Variants in CADPS2 observed in about 807,000 individuals in gnomAD.
CADPS2 encodes the protein calcium-dependent secretion activator 2.
Under a neutral mutation model 172.5 loss-of-function variants are expected in CADPS2, and 93 were observed. The ratio of observed to expected loss-of-function variants is 0.54; its 90% CI spans 0.46 to 0.64. The LOEUF (loss-of-function observed/expected upper bound fraction) is 0.64. CADPS2 is among the 30% of genes least tolerant of loss of function. The probability of loss-of-function intolerance (pLI) is 0.00; values close to 1 mark genes in which losing one functional copy is unlikely to be tolerated. For synonymous variants in CADPS2, 546 were observed against 555.2 expected, an observed-to-expected ratio of 0.98 and a Z score of 0.23; for missense variants, 1,420 against 1,565.9, an observed-to-expected ratio of 0.91 and a Z score of 1.57.
intron 27 of CADPS2, among the ~76,000 whole-genome samples, chr7:122,346,662 C>CGAAGAT (rs2037707187): frequency 6.6e-6 from 1 of 151,996 alleles, no homozygotes; most frequent in African/African-American, 2.4e-5. Flanking sequence ...TATGTACAGC[C>CGAAGAT]GAAGATGTGG....
rs530961051 is a variant in CADPS2 at position 122,488,359 on chromosome 7, CA to C, written c.1852+1721del. On this transcript the variant is annotated intron_variant, in intron 11 of 29. Transcript: ENST00000449022. ...TTTGGCACTTGAAGTAGGAAAGAAG[CA>C]GTGGATAAGAGCTGTGCTGCAAGAG... 1.1e-3 allele frequency among the ~76,000 whole-genome samples: 165 copies of C among 152,316 alleles called. 7 individuals are homozygous for C. In the South Asian group the frequency reaches 0.033, roughly 30 times the overall value.
intron 6 of CADPS2, among the ~76,000 whole-genome samples, chr7:122,590,274 T>C (rs146761580): frequency 6.6e-6 from 1 of 151,976 alleles, no homozygotes; most frequent in African/African-American, 2.4e-5. Flanking sequence ...AAAAGACAGA[T>C]ATACAAACCA....
chr7:122,617,808 C>T (rs1020344722), intron 5 of CADPS2, among the ~76,000 whole-genome samples: 3 of 152,112 alleles, frequency 2.0e-5, no homozygotes, highest in Admixed American at 2.0e-4. Context: ...CTTTGGGAGG[C>T]CAAGGCGGGC....
intron 2 of CADPS2, among the ~76,000 whole-genome samples, chr7:122,677,730 G>C (rs1588346859): frequency 6.6e-6 from 1 of 152,132 alleles, no homozygotes; most frequent in Admixed American, 6.5e-5. Context: ...GTGTGGAAGA[G>C]TCAAGATTTA....
chr7:122,594,049 TATC>T (rs1289611157), intron 6 of CADPS2, among the ~76,000 whole-genome samples: 1 of 152,130 alleles, frequency 6.6e-6, no homozygotes, highest in Non-Finnish European at 1.5e-5. Flanking sequence ...AACTATGTTT[TATC>T]ATTCTAGGCT....
Position 122,506,494 on chromosome 7 carries a change from G to A in CADPS2, c.1542+6755C>T, listed in dbSNP as rs1425927922. Among the ~76,000 whole-genome samples the A allele has an allele frequency of 2.6e-5, 4 of 152,130 alleles. No individual in the cohort carries two copies. In the East Asian group the frequency reaches 5.8e-4, roughly 22 times the overall value. ...TCTGGTATACGAAACCTCCCATTTT[G>A]TCCTCAATTGCCAACCTGTGCAATA... is the stretch of plus-strand genomic sequence containing the variant. On this transcript the variant is annotated intron_variant, in intron 9 of 29. Transcript: ENST00000449022.
At chr7:122,624,083 A>G (rs2075852996) in intron 4 of CADPS2, among the ~76,000 whole-genome samples, 1 of 152,212 alleles carries the variant, frequency 6.6e-6, no homozygotes, top group Admixed American at 6.5e-5. Flanking sequence ...AAAAAGCTCA[A>G]AATTCAGTTT....
intron 2 of CADPS2, among the ~76,000 whole-genome samples, chr7:122,671,936 T>C (rs984453184): frequency 1.3e-5 from 2 of 152,166 alleles, no homozygotes; most frequent in East Asian, 1.9e-4. Flanking sequence ...ATTCCTATTA[T>C]ATGCTCATAT....
chr7:122,475,796 T>C (rs1048188479), intron 12 of CADPS2, among the ~76,000 whole-genome samples: 2 of 152,178 alleles, frequency 1.3e-5, no homozygotes, highest in Non-Finnish European at 2.9e-5. Flanking sequence ...AAGGTGAATA[T>C]AGCAAGTAAT....
At chr7:122,493,873 G>A (rs901727667) in intron 9 of CADPS2, among the ~76,000 whole-genome samples, 3 of 152,028 alleles carry the variant, frequency 2.0e-5, no homozygotes, top group African/African-American at 7.2e-5. Context: ...TAATCAAATA[G>A]TTTGCTGTTT....
At chr7:122,424,431 T>C in intron 17 of CADPS2, 1 of 560,666 alleles carries the variant, frequency 1.8e-6, no homozygotes, top group Non-Finnish European at 2.3e-6. Context: ...CTGGGCTGAA[T>C]CCAAACTGAG....
chr7:122,609,172 G>A (rs2073982312), intron 6 of CADPS2, among the ~76,000 whole-genome samples: 1 of 151,856 alleles, frequency 6.6e-6, no homozygotes, highest in African/African-American at 2.4e-5. Flanking sequence ...GTTTGTTTAG[G>A]CACTCAAAGG....
chr7:122,682,384 A>G (rs763877), intron 2 of CADPS2, among the ~76,000 whole-genome samples: 151,200 of 152,304 alleles, frequency 0.99, 75,059 homozygotes, highest in Non-Finnish European at 1. Flanking sequence ...CATCTCTTCC[A>G]CCTTCATTCA....
At chr7:122,365,634 TCTC>T (rs1484911268) in intron 25 of CADPS2, among the ~76,000 whole-genome samples, 1 of 152,188 alleles carries the variant, frequency 6.6e-6, no homozygotes, top group Non-Finnish European at 1.5e-5. Context: ...TGCTGTCTGT[TCTC>T]CTGAGGGTGT....
At chr7:122,792,554 G>A (rs974817863) in intron 1 of CADPS2, among the ~76,000 whole-genome samples, 5 of 152,098 alleles carry the variant, frequency 3.3e-5, no homozygotes, top group Admixed American at 1.3e-4. Context: ...TGTTGTTGCA[G>A]CTTGAACAGA....
intron 9 of CADPS2, among the ~76,000 whole-genome samples, chr7:122,500,226 C>A (rs536686726): frequency 6.6e-6 from 1 of 152,146 alleles, no homozygotes; most frequent in African/African-American, 2.4e-5. Flanking sequence ...ACCATTCTAA[C>A]CTTGTTTGTC....
chr7:122,865,215 C>A (rs2141366484), intron 1 of CADPS2, among the ~76,000 whole-genome samples: 1 of 152,278 alleles, frequency 6.6e-6, no homozygotes, highest in Non-Finnish European at 1.5e-5. Context: ...CTTTGCCTTC[C>A]ACATACGTTG....
In CADPS2 at chr7:122,844,434, T is replaced by C. The variant is rs117664793; in HGVS notation, c.339+41565A>G. The stretch of plus-strand genomic sequence containing the variant: ...TCTCATTTCCAGGAGATGAATCACC[T>C]AAACGACATATCTTTTCAATCACTT... On this transcript the variant is annotated intron_variant, in intron 1 of 29. Transcript: ENST00000449022. Among the ~76,000 whole-genome samples, 194 of 152,308 alleles carry C rather than the reference T, an allele frequency of 1.3e-3. 2 individuals are homozygous for C. The East Asian group carries it at 0.031, about 24-fold the overall frequency.
At chr7:122,424,846 G>C (rs961377939) in intron 17 of CADPS2, among the ~76,000 whole-genome samples, 1 of 151,534 alleles carries the variant, frequency 6.6e-6, no homozygotes, top group Non-Finnish European at 1.5e-5. Context: ...AGGCTTGAGG[G>C]AGAAGAAAGT....
Sources: allele counts gnomAD v4.1 joint callset (sites outside exome capture counted in the v4.1 genomes callset), GRCh38; gene constraint gnomAD v4.1.1; transcripts MANE v1.5; gene names NCBI Gene and HGNC (gene_info 2026-07-23, HGNC 2026-07-21).